Variants in SYNE1 observed in about 807,000 individuals in gnomAD.
SYNE1 encodes the protein spectrin repeat containing nuclear envelope protein 1.
SYNE1 carries 616 observed loss-of-function variants against 1,111.0 expected under a neutral mutation model. The ratio of observed to expected loss-of-function variants is 0.55; its 90% CI spans 0.52 to 0.59. SYNE1 has a LOEUF of 0.59. Ranked by LOEUF, SYNE1 falls within the 20% of genes least tolerant of loss-of-function variation. SYNE1 has a pLI of 0.00. For missense variants in SYNE1, 10,006 were observed against 10,417.0 expected, an observed-to-expected ratio of 0.96 and a Z score of 1.72; for synonymous variants, 3,855 against 3,825.8, an observed-to-expected ratio of 1.01 and a Z score of -0.28.
chr6:152,234,414 C>T (rs2083503661), intron 111 of SYNE1, among the ~76,000 whole-genome samples: 1 of 152,166 alleles, frequency 6.6e-6, no homozygotes, highest in African/African-American at 2.4e-5. Context: ...CCTGCCTCAG[C>T]CTCCTGAGTA....
chr6:152,624,008 CAT>C (rs2099681095), intron 3 of SYNE1, among the ~76,000 whole-genome samples: 1 of 152,044 alleles, frequency 6.6e-6, no homozygotes, highest in African/African-American at 2.4e-5. Context: ...TTTTATTACT[CAT>C]AAAAAATTTT....
intron 46 of SYNE1, among the ~76,000 whole-genome samples, chr6:152,401,660 T>A (rs1404280028): frequency 6.6e-6 from 1 of 152,214 alleles, no homozygotes; most frequent in African/African-American, 2.4e-5. Context: ...TCCCAGGTGG[T>A]GACCAAAAAT....
At chr6:152,515,095 G>T (rs2099104961) in intron 6 of SYNE1, among the ~76,000 whole-genome samples, 1 of 151,986 alleles carries the variant, frequency 6.6e-6, no homozygotes, top group African/African-American at 2.4e-5. Flanking sequence ...GGTGGCGCAT[G>T]CCTGTAGTCC....
At chr6:152,164,539 A>G (rs1488231584) in intron 130 of SYNE1, among the ~76,000 whole-genome samples, 2 of 152,262 alleles carry the variant, frequency 1.3e-5, no homozygotes, top group Non-Finnish European at 2.9e-5. Context: ...GGTCCAGGGC[A>G]CAGGAGCAGA....
At chr6:152,623,571 A>G (rs1362534483) in intron 3 of SYNE1, among the ~76,000 whole-genome samples, 1 of 152,184 alleles carries the variant, frequency 6.6e-6, no homozygotes, top group Non-Finnish European at 1.5e-5. Flanking sequence ...GAAACTCATC[A>G]CAGTGAACAC....
chr6:152,376,245 CCTG>C, intron 58 of SYNE1, 133 bp downstream of exon 58: 2 of 847,058 alleles, frequency 2.4e-6, no homozygotes, highest in East Asian at 5.1e-5. Flanking sequence ...CTGCTCACCT[CCTG>C]CTGTGCGGCC....
At chr6:152,463,226 G>A (rs2098744598) in intron 19 of SYNE1, 127 bp downstream of exon 19, 7 of 1,344,524 alleles carry the variant, frequency 5.2e-6, no homozygotes, top group African/African-American at 4.3e-5. Flanking sequence ...AAACACACCG[G>A]TTTTAAACAT....
rs143070183 is a variant in SYNE1 at position 152,353,329 on chromosome 6, C to A, written c.11187G>T (p.Lys3729Asn). Residue 3729 changes from lysine (K) to asparagine (N), a missense_variant, in exon 69 of 146, where the codon AAG becomes AAT. By Grantham distance (94) the Lys-to-Asn change is moderately conservative. This residue lies in a region of SYNE1 where 4,955 missense variants were observed against 5,017.2 expected (regional missense o/e 0.99). Coordinates refer to ENST00000367255, the MANE Select transcript of SYNE1 (RefSeq NM_182961.4). ...CTTTGTCAATCTTGGTAGCCACATT[C>A]TTGAAGTTTTTATGAGTAGAGCCAT... is the stretch of plus-strand genomic sequence containing the variant. ...DWYGSTHKNF[K>N]NVATKIDKVD... is the part of the protein sequence containing the mutation. 7.4e-3 allele frequency: 11,920 copies of A among 1,614,160 alleles called. 72 individuals carry two copies. Among genetic ancestry groups the A allele is most frequent in the Non-Finnish European group, 9.4e-3 (11,041 of 1,180,024 alleles).
chr6:152,159,528 TG>T (rs2062019401), intron 131 of SYNE1, among the ~76,000 whole-genome samples: 2 of 152,240 alleles, frequency 1.3e-5, no homozygotes, highest in South Asian at 4.1e-4. Context: ...GAAAGCAGCA[TG>T]TTTTCCACCC....
intron 145 of SYNE1, among the ~76,000 whole-genome samples, chr6:152,130,042 G>A (rs756928829): frequency 2.0e-5 from 3 of 152,158 alleles, no homozygotes; most frequent in Non-Finnish European, 4.4e-5. Flanking sequence ...GGCAGGAAGC[G>A]CGGAGTGGCA....
chr6:152,182,081 C>A lies in SYNE1; in HGVS notation c.23302-1787G>T, dbSNP rs558858786. On this transcript the variant is annotated intron_variant, in intron 128 of 145. Coordinates refer to ENST00000367255, the MANE Select transcript of SYNE1 (RefSeq NM_182961.4). ...AGAATTATCTACTCAAATCCGTTGC[C>A]TGCTTTTTAATTAGATTGCCTTTTT... Among the ~76,000 whole-genome samples the A allele has an allele frequency of 1.5e-4, 23 of 152,284 alleles. No individual in the cohort carries two copies. The South Asian group carries it at 4.8e-3, about 32-fold the overall frequency.
intron 41 of SYNE1, among the ~76,000 whole-genome samples, chr6:152,414,241 A>C (rs908599036): frequency 7.9e-5 from 12 of 151,898 alleles, no homozygotes; most frequent in African/African-American, 2.9e-4. Flanking sequence ...CTATTTCTAC[A>C]AAAAATTAAA....
At chr6:152,512,014 C>A (rs2099087519) in intron 6 of SYNE1, among the ~76,000 whole-genome samples, 1 of 152,114 alleles carries the variant, frequency 6.6e-6, no homozygotes, top group South Asian at 2.1e-4. Flanking sequence ...ACCCTTCAGA[C>A]CTCTAGCTCA....
chr6:152,311,418 A>G (rs144481638), intron 87 of SYNE1, among the ~76,000 whole-genome samples: 94 of 152,322 alleles, frequency 6.2e-4, no homozygotes, highest in African/African-American at 2.3e-3. Flanking sequence ...GAGAAGCAAA[A>G]ACATCCCTGA....
Position 152,385,714 on chromosome 6 carries a change from C to G in SYNE1, c.8612G>C (p.Gly2871Ala), listed in dbSNP as rs753107825. The stretch of plus-strand genomic sequence containing the variant: ...CTTTTTCTGGGTGGCTGATGAATCT[C>G]CAGACATATCTGACCACCGGTGAAG... ...EELHRWSDMS[G>A]DSSATQKKLS... Residue 2871 changes from glycine to alanine, a missense_variant, in exon 55 of 146, where the codon GGA (glycine) becomes GCA (alanine). Physicochemically the swap from Gly to Ala is moderately conservative, Grantham distance 60. Coordinates refer to ENST00000367255, the MANE Select transcript of SYNE1 (RefSeq NM_182961.4). 6.2e-7 allele frequency: 1 copy of G among 1,613,924 alleles called. No homozygotes were observed. The highest frequency in any genetic ancestry group is 1.3e-5 in the African/African-American group (1 of 74,894).
chr6:152,298,936 G>A (rs1380629555), intron 93 of SYNE1, among the ~76,000 whole-genome samples: 2 of 152,186 alleles, frequency 1.3e-5, no homozygotes, highest in Non-Finnish European at 2.9e-5. Context: ...AGCATCACAT[G>A]TAAGTATTTT....
chr6:152,588,212 G>C (rs1390619623), intron 3 of SYNE1, among the ~76,000 whole-genome samples: 2 of 152,176 alleles, frequency 1.3e-5, no homozygotes, highest in Non-Finnish European at 2.9e-5. Context: ...GTGGGCAGCA[G>C]TGAATAAAAC....
At chr6:152,466,414 G>C (rs953466411) in intron 16 of SYNE1, among the ~76,000 whole-genome samples, 7 of 152,174 alleles carry the variant, frequency 4.6e-5, no homozygotes, top group Non-Finnish European at 1.5e-5. Flanking sequence ...ACATTTTAAA[G>C]TGTCCCACTG....
intron 40 of SYNE1, 151 bp from the exon 41 acceptor site, chr6:152,417,166 C>A: frequency 7.6e-5 from 85 of 1,115,078 alleles, no homozygotes; most frequent in East Asian, 9.0e-5. Context: ...AGAAAATTCA[C>A]AAAATTTTCT....
Sources: gnomAD v4.1 joint callset for allele counts (sites outside exome capture counted in the v4.1 genomes callset) on GRCh38, gnomAD v4.1.1 for gene constraint, gnomAD v4.1.1 regional missense constraint, MANE v1.5 for transcripts, NCBI Gene and HGNC (gene_info 2026-07-23, HGNC 2026-07-21) for gene names.